SLIT2: variants seen among roughly 807,000 people sequenced by gnomAD.
SLIT2 encodes the protein slit guidance ligand 2.
Under a neutral mutation model 185.7 loss-of-function variants are expected in SLIT2, and 41 were observed. That is an observed-to-expected ratio of 0.22 (90% confidence interval 0.17 to 0.29). SLIT2 has a LOEUF of 0.29. SLIT2 is among the 10% of genes least tolerant of loss of function. The pLI, the probability that SLIT2 is intolerant of heterozygous loss-of-function variation, is 1.00. For synonymous variants in SLIT2, 693 were observed against 680.2 expected (o/e 1.02, Z -0.29); for missense variants, 1,571 against 1,909.0 (o/e 0.82, Z 3.30).
chr4:20,407,861 G>A (rs1726895437), intron 4 of SLIT2, among the ~76,000 whole-genome samples: 1 of 152,070 alleles, frequency 6.6e-6, no homozygotes, highest in Non-Finnish European at 1.5e-5. Flanking sequence ...GGAAAGCCAA[G>A]GACCAAAGAT....
At chr4:20,411,055 GTTTA>G (rs1420859405) in intron 4 of SLIT2, among the ~76,000 whole-genome samples, 2 of 152,124 alleles carry the variant, frequency 1.3e-5, no homozygotes, top group African/African-American at 4.8e-5. Context: ...AGCATGGAAT[GTTTA>G]TTTGTTTGTT....
chr4:20,597,501 G>A (rs1728080723), intron 32 of SLIT2, among the ~76,000 whole-genome samples: 1 of 152,174 alleles, frequency 6.6e-6, no homozygotes, highest in Non-Finnish European at 1.5e-5. Context: ...GGAAGAAGCT[G>A]CACTAGATTA....
At position 20,619,343 on chromosome 4, in the gene SLIT2, A is replaced by T; in HGVS notation, c.*334A>T. The stretch of plus-strand genomic sequence containing the variant: ...ACGAGGGACAGAGGAGCTACTGTGC[A>T]CTGCTGTGAAATTGCCCAGAGCATA... On this transcript the variant is annotated 3_prime_UTR_variant, in exon 37 of 37. Transcript: ENST00000504154. 1 of 188,418 alleles carries T rather than the reference A, an allele frequency of 5.3e-6. No homozygotes were observed. The highest frequency in any genetic ancestry group is 1.2e-4 in the South Asian group (1 of 8,540). 11.7% of individuals were successfully genotyped at this position (188,418 alleles called of 1,614,324 possible). A position where few individuals can be genotyped will look rare whatever the true frequency, so the allele number is the denominator to read the frequency against.
At chr4:20,334,683 A>G (rs533826518) in intron 4 of SLIT2, among the ~76,000 whole-genome samples, 3 of 152,280 alleles carry the variant, frequency 2.0e-5, no homozygotes, top group African/African-American at 2.4e-5. Context: ...TTATATGTCC[A>G]TGCATTCTTC....
chr4:20,349,139 T>C (rs1477923488), intron 4 of SLIT2, among the ~76,000 whole-genome samples: 2 of 152,070 alleles, frequency 1.3e-5, no homozygotes, highest in Admixed American at 6.5e-5. Context: ...GGACAAGAGG[T>C]TTCCATACTT....
At chr4:20,495,368 G>T (rs1471393885) in intron 9 of SLIT2, among the ~76,000 whole-genome samples, 1 of 152,176 alleles carries the variant, frequency 6.6e-6, no homozygotes, top group African/African-American at 2.4e-5. Context: ...AGCAAGATCA[G>T]TCTGGACACA....
rs185023141 is a variant in SLIT2 at position 20,485,171 on chromosome 4, G to A, written c.540-1029G>A. Among the ~76,000 whole-genome samples, 21 of 152,072 alleles carry A rather than the reference G, an allele frequency of 1.4e-4. No homozygotes were observed. In the East Asian group the frequency reaches 2.9e-3, roughly 21 times the overall value. On this transcript the variant is annotated intron_variant, in intron 6 of 36. Coordinates refer to ENST00000504154, the MANE Select transcript of SLIT2 (RefSeq NM_004787.4). Reference sequence around the variant, plus strand: ...CTACACTTTACTTGTATACCCCCCGGGATAACTTCTACCACTTTCTTATCA... The same window carrying A: ...CTACACTTTACTTGTATACCCCCCGAGATAACTTCTACCACTTTCTTATCA...
intron 9 of SLIT2, among the ~76,000 whole-genome samples, chr4:20,497,982 G>A (rs1718386268): frequency 6.6e-6 from 1 of 152,116 alleles, no homozygotes; most frequent in Non-Finnish European, 1.5e-5. Flanking sequence ...CACCATCCTG[G>A]CCAAAATGGT....
intron 3 of SLIT2, among the ~76,000 whole-genome samples, chr4:20,261,048 A>G (rs1712415321): frequency 6.6e-6 from 1 of 151,780 alleles, no homozygotes; most frequent in Non-Finnish European, 1.5e-5. Flanking sequence ...ACGTCTGCAT[A>G]CCACGAGCAC....
At chr4:20,507,092 A>C (rs1719278205) in intron 9 of SLIT2, among the ~76,000 whole-genome samples, 1 of 152,028 alleles carries the variant, frequency 6.6e-6, no homozygotes, top group South Asian at 2.1e-4. Flanking sequence ...GCAATAACAG[A>C]TGATTCATGC....
At chr4:20,462,510 G>A (rs1484541054) in intron 4 of SLIT2, among the ~76,000 whole-genome samples, 2 of 152,104 alleles carry the variant, frequency 1.3e-5, no homozygotes, top group Admixed American at 1.3e-4. Context: ...ATGACCCCAT[G>A]TTAAATTCCA....
intron 4 of SLIT2, among the ~76,000 whole-genome samples, chr4:20,340,418 C>A (rs1334100085): frequency 6.6e-6 from 1 of 151,890 alleles, no homozygotes; most frequent in African/African-American, 2.4e-5. Flanking sequence ...CCTTTTAAAC[C>A]AAGGGAGTAT....
intron 29 of SLIT2, among the ~76,000 whole-genome samples, chr4:20,570,198 T>C (rs560651276): frequency 1.3e-5 from 2 of 152,206 alleles, no homozygotes; most frequent in East Asian, 3.9e-4. Flanking sequence ...AGTAATAGCA[T>C]ATTAAGTTTC....
In SLIT2 at chr4:20,306,194, G is replaced by C. The variant is rs575102942; in HGVS notation, c.395+37313G>C. Among the ~76,000 whole-genome samples the C allele has an allele frequency of 7.2e-5, 11 of 152,204 alleles. No homozygotes were observed. In the East Asian group the frequency reaches 1.7e-3, roughly 24 times the overall value. On this transcript the variant is annotated intron_variant, in intron 4 of 36. Transcript: ENST00000504154. ...GGGGCAGTAGAACATTTTGAGTATG[G>C]AACACGGGGAGAAAGGGGACTGGTC... is the stretch of plus-strand genomic sequence containing the variant.
chr4:20,595,510 C>T (rs1727904650), intron 30 of SLIT2, among the ~76,000 whole-genome samples, 187 bp from the exon 31 acceptor site: 1 of 151,866 alleles, frequency 6.6e-6, no homozygotes, highest in African/African-American at 2.4e-5. Context: ...TCTGGTAGAT[C>T]ACAGTGATAG....
At position 20,472,540 on chromosome 4, in the gene SLIT2, C is replaced by CTATATATAGATA. The variant is rs1560454969; in HGVS notation, c.467+4722_467+4723insATAGATATATAT. Among the ~76,000 whole-genome samples, 2 of 9,494 alleles carry CTATATATAGATA rather than the reference C, an allele frequency of 2.1e-4. 1 individual carries two copies. The highest frequency in any genetic ancestry group is 1.3e-3 in the African/African-American group (2 of 1,492). 6.2% of individuals were successfully genotyped at this position (9,494 alleles called of 152,430 possible). A position where few individuals can be genotyped will look rare whatever the true frequency, so the allele number is the denominator to read the frequency against. Reference sequence around the variant, plus strand: ...GATATATATCTATATATAGATATATCTATATCTATATATAGATATATATCT... The same window carrying CTATATATAGATA: ...GATATATATCTATATATAGATATATCTATATATAGATATATATCTATATATAGATATATATCT... On this transcript the variant is annotated intron_variant, in intron 5 of 36. Coordinates refer to ENST00000504154, the MANE Select transcript of SLIT2 (RefSeq NM_004787.4).
At chr4:20,278,131 C>G (rs184469610) in intron 4 of SLIT2, among the ~76,000 whole-genome samples, 1 of 152,014 alleles carries the variant, frequency 6.6e-6, no homozygotes, top group African/African-American at 2.4e-5. Context: ...AAAGTAAAAT[C>G]TTTCTTAATT....
intron 11 of SLIT2, among the ~76,000 whole-genome samples, chr4:20,519,095 CAACTT>C (rs1223564655): frequency 1.3e-5 from 2 of 151,826 alleles, no homozygotes; most frequent in Admixed American, 6.6e-5. Flanking sequence ...AGTAGAAAAA[CAACTT>C]AAAAGGAAAC....
rs552851809 is a variant in SLIT2 at position 20,251,996 on chromosome 4, AGGCGGC to A, written c.-1802_-1797del. Among the ~76,000 whole-genome samples, 151 of 151,108 alleles carry A rather than the reference AGGCGGC, an allele frequency of 1.0e-3. 1 individual carries two copies. Among genetic ancestry groups the A allele is most frequent in the African/African-American group, 3.5e-3 (143 of 41,322 alleles). ...CCGCAGACTGTGGTTAAAAAAAAGA[AGGCGGC>A]GGCGGCGGCGGCGGCGGAGGCGGAG... On this transcript the variant is annotated 5_prime_UTR_variant, in exon 1 of 37. Transcript: ENST00000504154.
Sources: gnomAD v4.1 joint callset for allele counts (sites outside exome capture counted in the v4.1 genomes callset) on GRCh38, gnomAD v4.1.1 for gene constraint, MANE v1.5 for transcripts, NCBI Gene and HGNC (gene_info 2026-07-23, HGNC 2026-07-21) for gene names.